Variants in NT5DC3 observed in about 807,000 individuals in gnomAD.
NT5DC3 encodes the protein 5'-nucleotidase domain containing 3.
NT5DC3 carries 42 observed loss-of-function variants against 67.8 expected under a neutral mutation model. The observed-to-expected ratio is 0.62, with a 90% CI of 0.48 to 0.80. The LOEUF is 0.80. Among genes scored for constraint, NT5DC3 ranks in the 30% least tolerant of loss-of-function variants. NT5DC3 has a pLI of 0.00. For missense variants in NT5DC3, 570 were observed against 696.4 expected (o/e 0.82, Z 2.04); for synonymous variants, 237 against 255.6 (o/e 0.93, Z 0.69).
intron 5 of NT5DC3, 137 bp from the exon 6 acceptor site, chr12:103,797,168 A>C: frequency 2.2e-6 from 2 of 930,058 alleles, no homozygotes; most frequent in Non-Finnish European, 3.2e-6. Context: ...GGAAAGTTCT[A>C]ATAATAAAAA....
intron 2 of NT5DC3, among the ~76,000 whole-genome samples, chr12:103,810,040 G>A (rs1886963605): frequency 6.7e-6 from 1 of 148,536 alleles, no homozygotes; most frequent in Non-Finnish European, 1.5e-5. Context: ...AAAAATGCGT[G>A]TGGCAAGTCA....
At chr12:103,746,338 G>A in the NT5DC3 span, 3 of 315,524 alleles carry the variant, frequency 9.5e-6, no homozygotes, top group Middle Eastern at 9.9e-4. Flanking sequence ...AGTTTTAATT[G>A]ATAGCCCCTA....
chr12:103,768,793 T>C (rs532696573), downstream of NT5DC3: 1 of 151,754 alleles, frequency 6.6e-6, no homozygotes, highest in South Asian at 2.1e-4. Context: ...GTATCAACTG[T>C]ATGCAGGCCT....
chr12:103,835,817 T>C (rs752514059), intron 1 of NT5DC3, among the ~76,000 whole-genome samples: 23 of 152,160 alleles, frequency 1.5e-4, no homozygotes, highest in African/African-American at 2.4e-5. Flanking sequence ...TCCAACGGTA[T>C]ATCAGTCCAT....
In NT5DC3 at chr12:103,815,123, T is replaced by C. The variant is rs1298756112; in HGVS notation, c.209-2A>G. On this transcript the variant is annotated splice_acceptor_variant, in intron 1 of 13. Transcript: ENST00000392876. LOFTEE classifies it high-confidence loss of function. ...TGCTCATAATGGAAGGAACCAATTCTGGAAATAAAGAAAAAAAATACATTA... is the reference window on the plus strand; with the variant it reads ...TGCTCATAATGGAAGGAACCAATTCCGGAAATAAAGAAAAAAAATACATTA... 6.3e-7 allele frequency: 1 copy of C among 1,596,034 alleles called. No individual in the cohort carries two copies. Among genetic ancestry groups the C allele is most frequent in the Admixed American group, 1.7e-5 (1 of 57,554 alleles).
At chr12:103,793,382 G>C in intron 8 of NT5DC3, 28 bp downstream of exon 8, 1 of 1,581,492 alleles carries the variant, frequency 6.3e-7, no homozygotes, top group Non-Finnish European at 8.7e-7. Context: ...TGTGCCAGAA[G>C]CTAGCAATGA....
chr12:103,750,848 T>C, the NT5DC3 span: 7 of 1,307,680 alleles, frequency 5.4e-6, no homozygotes, highest in Non-Finnish European at 6.1e-6. Flanking sequence ...CCCAATACTT[T>C]GGGAGGCCAA....
Position 103,773,332 on chromosome 12 carries a change from T to C in NT5DC3, c.*4497A>G, listed in dbSNP as rs1016209654. 1 of 152,176 alleles carries C rather than the reference T, an allele frequency of 6.6e-6. No homozygotes were observed. Among genetic ancestry groups the C allele is most frequent in the African/African-American group, 2.4e-5 (1 of 41,438 alleles). The allele number at this position is 152,176 out of a possible 1,614,324, so 9.4% of individuals were successfully genotyped here. A position where few individuals can be genotyped will look rare whatever the true frequency, so the allele number is the denominator to read the frequency against. ...AAACAGCCCAAAAAGCCAAAAATAC[T>C]TCCTATCTGGCCTTTTACAGGAAAA... is the stretch of plus-strand genomic sequence containing the variant. On this transcript the variant is annotated 3_prime_UTR_variant, in exon 14 of 14. Coordinates refer to ENST00000392876, the MANE Select transcript of NT5DC3 (RefSeq NM_001031701.3).
At chr12:103,812,596 C>CA (rs917950055) in intron 2 of NT5DC3, among the ~76,000 whole-genome samples, 22 of 151,548 alleles carry the variant, frequency 1.5e-4, no homozygotes, top group East Asian at 7.7e-4. Context: ...TGCATCTGAA[C>CA]AAAAAAAACC....
chr12:103,818,024 C>G (rs1000362936), intron 1 of NT5DC3, among the ~76,000 whole-genome samples: 2 of 152,214 alleles, frequency 1.3e-5, no homozygotes, highest in African/African-American at 4.8e-5. Flanking sequence ...TCACAAGGCT[C>G]CTTAACAGCT....
At chr12:103,764,142 A>C in the NT5DC3 span, among the ~76,000 whole-genome samples, 1 of 152,100 alleles carries the variant, frequency 6.6e-6, no homozygotes, top group Non-Finnish European at 1.5e-5. Context: ...TAATACAGAC[A>C]GGGTTTCTCC....
the NT5DC3 span, among the ~76,000 whole-genome samples, chr12:103,756,996 A>AATATATATATATATATATAT: frequency 3.6e-4 from 20 of 56,330 alleles, no homozygotes; most frequent in East Asian, 2.0e-3. Context: ...AAGGAGGGAA[A>AATATATATATATATATATAT]ATATATATAT....
At chr12:103,783,939 G>A (rs984066144) in intron 12 of NT5DC3, among the ~76,000 whole-genome samples, 1 of 152,160 alleles carries the variant, frequency 6.6e-6, no homozygotes, top group African/African-American at 2.4e-5. Context: ...CCTCTAAACA[G>A]GAAGGCACAT....
chr12:103,750,383 G>A, the NT5DC3 span, among the ~76,000 whole-genome samples: 1 of 152,242 alleles, frequency 6.6e-6, no homozygotes, highest in African/African-American at 2.4e-5. Flanking sequence ...CATTTGAACT[G>A]AGATGTAAAG....
intron 4 of NT5DC3, among the ~76,000 whole-genome samples, chr12:103,801,793 A>G (rs10861106): frequency 0.72 from 108,705 of 152,020 alleles, 39,179 homozygotes; most frequent in East Asian, 0.9. Context: ...GGTGCTAAGA[A>G]TGGAAATGGC....
chr12:103,783,083 G>A (rs1457785966), intron 12 of NT5DC3, among the ~76,000 whole-genome samples: 1 of 152,222 alleles, frequency 6.6e-6, no homozygotes, highest in East Asian at 1.9e-4. Context: ...TCAGAAAACT[G>A]TCCAAATAAT....
intron 2 of NT5DC3, among the ~76,000 whole-genome samples, chr12:103,812,619 G>A (rs901967640): frequency 6.6e-6 from 1 of 152,152 alleles, no homozygotes; most frequent in Non-Finnish European, 1.5e-5. Flanking sequence ...AGGATGGAAA[G>A]GTGTTAGTAA....
intron 1 of NT5DC3, among the ~76,000 whole-genome samples, chr12:103,823,403 A>G (rs977563058): frequency 6.6e-6 from 1 of 152,192 alleles, no homozygotes; most frequent in South Asian, 2.1e-4. Context: ...GCAAGACACT[A>G]TTATACCCAT....
chr12:103,815,072 GA>G lies in NT5DC3; in HGVS notation c.257del (p.Phe86SerfsTer6). Reference sequence around the variant, plus strand: ...CTGACAGGCTCATTTCATTGTTTGAGAAAATGGCATCTGGATTCAACAAGTT... The same window carrying G: ...CTGACAGGCTCATTTCATTGTTTGAGAAATGGCATCTGGATTCAACAAGTT... ...MSNLLNPDAI[F>X]SNNEMSLSDI... On this transcript the variant is annotated frameshift_variant, in exon 2 of 14. Transcript: ENST00000392876. LOFTEE classifies it high-confidence loss of function. 1 of 1,612,898 alleles carries G rather than the reference GA, an allele frequency of 6.2e-7. No individual in the cohort carries two copies. Among genetic ancestry groups the G allele is most frequent in the African/African-American group, 1.3e-5 (1 of 74,920 alleles).
Sources: allele counts gnomAD v4.1 joint callset (sites outside exome capture counted in the v4.1 genomes callset), GRCh38; gene constraint gnomAD v4.1.1; transcripts MANE v1.5; gene names NCBI Gene and HGNC (gene_info 2026-07-23, HGNC 2026-07-21).